Variants in DOCK11 observed in about 807,000 individuals in gnomAD.
DOCK11 encodes the protein dedicator of cytokinesis 11, also known as dedicator of cytokinesis protein 11.
A neutral mutation model predicts 169.1 loss-of-function variants in DOCK11; 70 were observed. The ratio of observed to expected loss-of-function variants is 0.41; its 90% CI spans 0.34 to 0.51. The LOEUF is 0.51. Ranked by LOEUF, DOCK11 falls within the 20% of genes least tolerant of loss-of-function variation. The probability of loss-of-function intolerance (pLI) is 0.10; values close to 1 mark genes in which losing one functional copy is unlikely to be tolerated. For synonymous variants in DOCK11, 529 were observed against 541.3 expected (o/e 0.98, Z 0.32); for missense variants, 1,166 against 1,538.8 (o/e 0.76, Z 4.05).
chrX:118,596,847 G>C (rs1043454554), intron 20 of DOCK11, among the ~76,000 whole-genome samples: 1 of 111,976 alleles, frequency 8.9e-6, no homozygotes, highest in African/African-American at 3.3e-5. Flanking sequence ...TCTGTAATCA[G>C]GACAAGTCTG....
chrX:118,567,432 ATTT>A (rs746150692), intron 9 of DOCK11, among the ~76,000 whole-genome samples: 1 of 92,311 alleles, frequency 1.1e-5, no homozygotes. Flanking sequence ...CTAATCTAGG[ATTT>A]TTTTTTTTTT....
At chrX:118,549,255 C>A (rs2012403547) in intron 6 of DOCK11, among the ~76,000 whole-genome samples, 1 of 109,802 alleles carries the variant, frequency 9.1e-6, no homozygotes, top group African/African-American at 3.3e-5. Flanking sequence ...AGCCATTCTC[C>A]TGCCTCAGCC....
chrX:118,607,273 C>T (rs772798016), intron 24 of DOCK11, among the ~76,000 whole-genome samples: 114 of 104,250 alleles, frequency 1.1e-3, no homozygotes, highest in African/African-American at 3.9e-3. Flanking sequence ...CCCACCACCA[C>T]ACCCAGCTAA....
chrX:118,648,168 A>G (rs1210363947), intron 40 of DOCK11, among the ~76,000 whole-genome samples: 24 of 77,841 alleles, frequency 3.1e-4, no homozygotes, highest in Non-Finnish European at 5.5e-4. Flanking sequence ...AATATAATAT[A>G]TAATATAATA....
At chrX:118,560,316 T>A (rs894334365) in intron 6 of DOCK11, among the ~76,000 whole-genome samples, 1 of 111,836 alleles carries the variant, frequency 8.9e-6, no homozygotes, top group African/African-American at 3.2e-5. Flanking sequence ...CAAATAATAC[T>A]CTTTCCATAA....
At chrX:118,574,138 G>A (rs920092392) in intron 12 of DOCK11, 120 bp downstream of exon 12, 49 of 762,695 alleles carry the variant, frequency 6.4e-5, no homozygotes, top group Middle Eastern at 4.3e-4. Context: ...AAGGTCTGTC[G>A]ATAGAGATTT....
rs755225569 is a variant in DOCK11, at chrX:118,524,898, A to T, written c.103-17827A>T. Among the ~76,000 whole-genome samples the T allele has an allele frequency of 3.6e-5, 4 of 111,546 alleles. No individual in the cohort carries two copies. In the Admixed American group the frequency reaches 3.8e-4, roughly 11 times the overall value. The stretch of plus-strand genomic sequence containing the variant: ...AGAGGTGGCTCACACCTGTAATGCC[A>T]GCATTTTGGGAGAGGCAGGCAGATC... On this transcript the variant is annotated intron_variant, in intron 1 of 52. Transcript: ENST00000276202.
chrX:118,639,180 G>T (rs2015461870), intron 37 of DOCK11, among the ~76,000 whole-genome samples: 1 of 111,742 alleles, frequency 8.9e-6, no homozygotes, highest in Non-Finnish European at 1.9e-5. Flanking sequence ...TCTTATTGGA[G>T]TGTTGGCCAC....
chrX:118,496,305 G>A (rs2057536550), intron 1 of DOCK11, among the ~76,000 whole-genome samples: 1 of 54 alleles, frequency 0.019, no homozygotes, highest in Non-Finnish European at 0.032. Flanking sequence ...GGAAGCAGAC[G>A]GGCAAAAGCC....
At chrX:118,630,098 T>C (rs192152581) in intron 34 of DOCK11, among the ~76,000 whole-genome samples, 1 of 111,404 alleles carries the variant, frequency 9.0e-6, no homozygotes, top group Non-Finnish European at 1.9e-5. Flanking sequence ...TAAATAGCCA[T>C]GATTATTTTA....
intron 6 of DOCK11, among the ~76,000 whole-genome samples, chrX:118,557,393 A>G (rs1241531784): frequency 2.7e-5 from 3 of 111,337 alleles, no homozygotes; most frequent in Non-Finnish European, 5.7e-5. Context: ...AACAGGAAGT[A>G]CAGAGACCCA....
At position 118,608,240 on chromosome X, in the gene DOCK11, C is replaced by T. The variant is rs1161554549; in HGVS notation, c.2761C>T (p.Arg921Ter). The change falls in exon 26 of 53, where the codon CGA becomes TGA. Residue 921 changes from arginine (R) to a stop codon, truncating the protein, a stop_gained. Transcript: ENST00000276202. LOFTEE classifies it high-confidence loss of function. ...YLRSFIKYSF[R>*]PEKPSAPQAQ... Reference sequence around the variant, plus strand: ...GTTTGTTTATTTGTAGTATAGCTTCCGACCTGAAAAACCGAGTGCTCCTCA... The same window carrying T: ...GTTTGTTTATTTGTAGTATAGCTTCTGACCTGAAAAACCGAGTGCTCCTCA... The T allele has an allele frequency of 5.0e-6, 6 of 1,204,899 alleles. No homozygotes were observed. The highest frequency in any genetic ancestry group is 2.3e-5 in the Admixed American group (1 of 44,390).
intron 37 of DOCK11, among the ~76,000 whole-genome samples, 190 bp downstream of exon 37, chrX:118,638,317 G>T (rs1369859315): frequency 8.9e-6 from 1 of 111,946 alleles, no homozygotes; most frequent in Non-Finnish European, 1.9e-5. Flanking sequence ...CCCAAGGAGT[G>T]ATGATTAAAG....
chrX:118,533,386 T>C (rs1212603910), intron 1 of DOCK11, among the ~76,000 whole-genome samples: 1 of 112,384 alleles, frequency 8.9e-6, no homozygotes, highest in African/African-American at 3.2e-5. Flanking sequence ...AATTAATGGA[T>C]AGATTCAATG....
chrX:118,646,694 C>A (rs774188794), intron 40 of DOCK11, among the ~76,000 whole-genome samples: 9 of 111,486 alleles, frequency 8.1e-5, no homozygotes, highest in Non-Finnish European at 1.7e-4. Context: ...TATTTTCATA[C>A]CAGAGTATCT....
intron 40 of DOCK11, among the ~76,000 whole-genome samples, chrX:118,647,968 A>AATAATATATAATATATT (rs2015799408): frequency 3.1e-4 from 12 of 38,287 alleles, no homozygotes; most frequent in Admixed American, 2.8e-3. Context: ...TATAATATAT[A>AATAATATATAATATATT]ATTATATATA....
intron 36 of DOCK11, among the ~76,000 whole-genome samples, chrX:118,637,804 T>C (rs1021308480): frequency 1.8e-5 from 2 of 111,450 alleles, no homozygotes; most frequent in Non-Finnish European, 3.8e-5. Context: ...CTATGATAAG[T>C]TACAGAGCAT....
intron 1 of DOCK11, among the ~76,000 whole-genome samples, chrX:118,535,513 C>T (rs924336545): frequency 3.6e-5 from 4 of 111,436 alleles, no homozygotes; most frequent in African/African-American, 1.3e-4. Flanking sequence ...AAGTAAACCA[C>T]CCAAAAAGCA....
chrX:118,672,287 C>G (rs1030934492), intron 46 of DOCK11, among the ~76,000 whole-genome samples: 3 of 112,422 alleles, frequency 2.7e-5, no homozygotes, highest in Non-Finnish European at 3.8e-5. Flanking sequence ...GCAATTGCCA[C>G]CAGCACTAAA....
Sources: allele counts gnomAD v4.1 joint callset (sites outside exome capture counted in the v4.1 genomes callset), GRCh38; gene constraint gnomAD v4.1.1; transcripts MANE v1.5; gene names NCBI Gene and HGNC (gene_info 2026-07-23, HGNC 2026-07-21).